The following SMYD3 variants were observed in gnomAD, a reference collection of about 807,000 sequenced individuals.
SMYD3 encodes histone-lysine N-methyltransferase SMYD3.
In SMYD3, 36 loss-of-function variants were observed where a neutral mutation model predicts 57.7. The observed-to-expected ratio is 0.62, with a 90% CI of 0.48 to 0.82. The LOEUF (loss-of-function observed/expected upper bound fraction) is 0.82. Among genes scored for constraint, SMYD3 ranks in the 40% least tolerant of loss-of-function variants. SMYD3 has a pLI of 0.00. For synonymous variants in SMYD3, 211 were observed against 195.0 expected, an observed-to-expected ratio of 1.08 and a Z score of -0.68; for missense variants, 515 against 538.8, an observed-to-expected ratio of 0.96 and a Z score of 0.44.
intron 5 of SMYD3, among the ~76,000 whole-genome samples, chr1:246,115,564 A>G (rs887913457): frequency 6.6e-6 from 1 of 152,238 alleles, no homozygotes; most frequent in African/African-American, 2.4e-5. Flanking sequence ...AACATCTGGC[A>G]TTCAGTCAAA....
At chr1:246,499,401 T>TACAC (rs74163453) in intron 1 of SMYD3, among the ~76,000 whole-genome samples, 2,292 of 145,854 alleles carry the variant, frequency 0.016, 44 homozygotes, top group African/African-American at 0.054. Context: ...CCATCAAATA[T>TACAC]ACACACACAC....
At chr1:245,997,914 CAG>C (rs921073209) in intron 5 of SMYD3, among the ~76,000 whole-genome samples, 2 of 152,242 alleles carry the variant, frequency 1.3e-5, no homozygotes, top group African/African-American at 4.8e-5. Context: ...GGCAGATGCT[CAG>C]ACAAGAGGTC....
intron 5 of SMYD3, among the ~76,000 whole-genome samples, chr1:245,989,787 GT>G (rs1389274786): frequency 6.6e-6 from 1 of 152,156 alleles, no homozygotes; most frequent in Non-Finnish European, 1.5e-5. Flanking sequence ...GTGGTTTAGA[GT>G]TTTTTCCAAT....
intron 10 of SMYD3, among the ~76,000 whole-genome samples, chr1:245,786,220 G>GGGT (rs1553321396): frequency 1.4e-5 from 2 of 146,540 alleles, no homozygotes; most frequent in African/African-American, 2.6e-5. Flanking sequence ...GGACGGGGGG[G>GGGT]GGATGGTGGC....
At chr1:246,039,008 G>T (rs762628553) in intron 5 of SMYD3, among the ~76,000 whole-genome samples, 1 of 152,104 alleles carries the variant, frequency 6.6e-6, no homozygotes, top group Non-Finnish European at 1.5e-5. Flanking sequence ...AAAATTGGCC[G>T]TTCAAGTCTC....
chr1:245,866,250 A>T (rs1389637403), intron 8 of SMYD3, among the ~76,000 whole-genome samples: 1 of 152,102 alleles, frequency 6.6e-6, no homozygotes, highest in African/African-American at 2.4e-5. Context: ...TGTGTGTATG[A>T]GGAGATAGGA....
intron 5 of SMYD3, among the ~76,000 whole-genome samples, chr1:246,049,078 G>C (rs992873548): frequency 6.6e-6 from 1 of 152,034 alleles, no homozygotes; most frequent in African/African-American, 2.4e-5. Context: ...AAGAGACTGA[G>C]AAACAAGGAA....
At chr1:245,793,999 A>C (rs1368805179) in intron 10 of SMYD3, among the ~76,000 whole-genome samples, 3 of 152,210 alleles carry the variant, frequency 2.0e-5, no homozygotes, top group South Asian at 2.1e-4. Context: ...GCTTAAAAAA[A>C]ACCAAACAAA....
At chr1:245,938,217 C>T (rs1005077472) in intron 5 of SMYD3, among the ~76,000 whole-genome samples, 1 of 152,192 alleles carries the variant, frequency 6.6e-6, no homozygotes, top group African/African-American at 2.4e-5. Context: ...TTTCACATGA[C>T]AGTAGCTGAA....
chr1:245,894,212 C>G (rs557109853), intron 8 of SMYD3, among the ~76,000 whole-genome samples: 2 of 152,006 alleles, frequency 1.3e-5, no homozygotes, highest in Non-Finnish European at 2.9e-5. Context: ...CACCAATCAG[C>G]GCTCTGTAGC....
At chr1:245,908,357 A>G (rs920692225) in intron 8 of SMYD3, among the ~76,000 whole-genome samples, 8 of 152,238 alleles carry the variant, frequency 5.3e-5, no homozygotes, top group African/African-American at 1.9e-4. Context: ...TACAAGACAA[A>G]TATTATTAGG....
At chr1:245,888,140 T>C (rs984836004) in intron 8 of SMYD3, among the ~76,000 whole-genome samples, 1 of 152,218 alleles carries the variant, frequency 6.6e-6, no homozygotes, top group Non-Finnish European at 1.5e-5. Flanking sequence ...TCTTACATGA[T>C]AGACCTGTCA....
At chr1:245,771,011 G>A (rs1303640521) in intron 10 of SMYD3, among the ~76,000 whole-genome samples, 1 of 151,966 alleles carries the variant, frequency 6.6e-6, no homozygotes, top group Non-Finnish European at 1.5e-5. Flanking sequence ...TCTCAAATGA[G>A]AGAAAGGAGA....
chr1:245,844,809 T>C (rs1159280471), intron 10 of SMYD3, among the ~76,000 whole-genome samples: 1 of 151,854 alleles, frequency 6.6e-6, no homozygotes, highest in Non-Finnish European at 1.5e-5. Flanking sequence ...CAGGGAAACA[T>C]GACTTTTCTA....
intron 5 of SMYD3, among the ~76,000 whole-genome samples, chr1:245,940,143 C>T (rs2057168766): frequency 6.6e-6 from 1 of 152,162 alleles, no homozygotes; most frequent in Admixed American, 6.5e-5. Flanking sequence ...CTCCCCGGGA[C>T]ACAGCACTGG....
In SMYD3 at chr1:246,225,321, C is replaced by CAAAAAAAAAAAAAAAAAAAAAAAAA. The variant is rs60915002; in HGVS notation, c.531+101855_531+101879dup. On this transcript the variant is annotated intron_variant, in intron 5 of 11. Transcript: ENST00000490107. ...GTTATGTGGAAGACTGCTGAAAAGT[C>CAAAAAAAAAAAAAAAAAAAAAAAAA]AAAAAAAAAAAAAAAAAAAAAAAAA... Among the ~76,000 whole-genome samples the CAAAAAAAAAAAAAAAAAAAAAAAAA allele has an allele frequency of 1.0e-4, 8 of 76,302 alleles. 2 individuals carry two copies. The highest frequency in any genetic ancestry group is 2.4e-4 in the African/African-American group (5 of 21,196). The allele number at this position is 76,302 out of a possible 152,430, so 50.1% of individuals were successfully genotyped here.
intron 1 of SMYD3, among the ~76,000 whole-genome samples, chr1:246,480,458 T>C (rs1300931287): frequency 1.3e-5 from 2 of 152,236 alleles, no homozygotes; most frequent in African/African-American, 4.8e-5. Flanking sequence ...CATCAACCAA[T>C]TTCCATAATT....
At chr1:245,800,586 C>G (rs904336247) in intron 10 of SMYD3, among the ~76,000 whole-genome samples, 1 of 152,150 alleles carries the variant, frequency 6.6e-6, no homozygotes, top group Non-Finnish European at 1.5e-5. Context: ...ATGCAGATGT[C>G]CCTACGTAAA....
intron 5 of SMYD3, among the ~76,000 whole-genome samples, chr1:246,229,492 C>T (rs1040497439): frequency 6.6e-5 from 10 of 152,130 alleles, no homozygotes; most frequent in African/African-American, 2.2e-4. Flanking sequence ...TACAATTGCC[C>T]TTTATCCATC....
Sources: allele counts gnomAD v4.1 joint callset (sites outside exome capture counted in the v4.1 genomes callset), GRCh38; gene constraint gnomAD v4.1.1; transcripts MANE v1.5; gene names NCBI Gene and HGNC (gene_info 2026-07-23, HGNC 2026-07-21).